RBFOX1: variants seen among roughly 807,000 people sequenced by gnomAD.
RBFOX1 encodes RNA binding protein fox-1 homolog 1.
Under a neutral mutation model 57.7 loss-of-function variants are expected in RBFOX1, and 8 were observed. That is an observed-to-expected ratio of 0.14 (90% CI 0.08 to 0.25). The LOEUF (loss-of-function observed/expected upper bound fraction) is 0.25, where lower values mean the gene tolerates loss of function less well. RBFOX1 is among the 10% of genes least tolerant of loss of function. RBFOX1 has a pLI of 1.00. For missense variants in RBFOX1, 611 were observed against 548.5 expected (o/e 1.11, Z -1.14); for synonymous variants, 326 against 222.4 (o/e 1.47, Z -4.15).
intron 3 of RBFOX1, among the ~76,000 whole-genome samples, chr16:7,005,117 C>G (rs1032319476): frequency 6.6e-6 from 1 of 152,108 alleles, no homozygotes; most frequent in Admixed American, 6.6e-5. Context: ...GCACTCCAGC[C>G]TGGGTGACAA....
intron 3 of RBFOX1, among the ~76,000 whole-genome samples, chr16:5,679,556 A>G (rs570876157): frequency 2.6e-4 from 39 of 151,638 alleles, no homozygotes; most frequent in Admixed American, 2.2e-3. Context: ...CCCTGTGTCC[A>G]TGTGTTCTCA....
chr16:6,794,355 C>T (rs1049255821), intron 3 of RBFOX1, among the ~76,000 whole-genome samples: 1 of 143,578 alleles, frequency 7.0e-6, no homozygotes, highest in Non-Finnish European at 1.5e-5. Flanking sequence ...TCTCAAACTA[C>T]AGGAAATTGC....
chr16:6,323,187 T>G (rs1323442729), intron 2 of RBFOX1, among the ~76,000 whole-genome samples: 1 of 152,152 alleles, frequency 6.6e-6, no homozygotes, highest in African/African-American at 2.4e-5. Flanking sequence ...GCTTCTTTAT[T>G]GTTAGGACAG....
intron 4 of RBFOX1, among the ~76,000 whole-genome samples, chr16:7,281,091 C>G (rs1273304977): frequency 2.6e-5 from 4 of 151,476 alleles, no homozygotes; most frequent in Non-Finnish European, 4.4e-5. Context: ...CAACCTCTGC[C>G]TCCTGGGTTC....
intron 3 of RBFOX1, among the ~76,000 whole-genome samples, chr16:5,811,608 A>G (rs1301070028): frequency 1.3e-5 from 2 of 151,684 alleles, no homozygotes; most frequent in Non-Finnish European, 2.9e-5. Flanking sequence ...GCACCACCAC[A>G]TTGAGCTAAT....
intron 4 of RBFOX1, among the ~76,000 whole-genome samples, chr16:5,933,658 T>G (rs950154159): frequency 2.6e-5 from 4 of 152,222 alleles, no homozygotes; most frequent in Admixed American, 2.6e-4. Context: ...AGGCTTTGAT[T>G]GTTCTCTTTC....
intron 2 of RBFOX1, among the ~76,000 whole-genome samples, chr16:6,494,491 C>A (rs1361193122): frequency 1.3e-5 from 2 of 152,150 alleles, no homozygotes; most frequent in African/African-American, 2.4e-5. Context: ...TTGGGATGGG[C>A]TTATTGACTC....
At chr16:5,674,133 C>T (rs920726692) in intron 3 of RBFOX1, among the ~76,000 whole-genome samples, 1 of 152,164 alleles carries the variant, frequency 6.6e-6, no homozygotes, top group African/African-American at 2.4e-5. Context: ...GATATAAGCC[C>T]TGTCTTCATT....
intron 3 of RBFOX1, among the ~76,000 whole-genome samples, chr16:5,855,219 T>C (rs1345766261): frequency 6.6e-6 from 1 of 152,230 alleles, no homozygotes; most frequent in Non-Finnish European, 1.5e-5. Flanking sequence ...CAGAAGATTT[T>C]TAGTTTGATG....
intron 10 of RBFOX1, among the ~76,000 whole-genome samples, chr16:7,617,249 C>T (rs531783714): frequency 3.5e-4 from 53 of 152,296 alleles, no homozygotes; most frequent in Non-Finnish European, 6.3e-4. Flanking sequence ...CTACTGAGTT[C>T]TGCCATTGCC....
chr16:7,438,663 G>A (rs2098741494), intron 4 of RBFOX1, among the ~76,000 whole-genome samples: 1 of 152,240 alleles, frequency 6.6e-6, no homozygotes, highest in South Asian at 2.1e-4. Flanking sequence ...TTTTAAACCA[G>A]CCCATTAAAA....
intron 2 of RBFOX1, among the ~76,000 whole-genome samples, chr16:5,560,276 C>T (rs2045844228): frequency 6.6e-6 from 1 of 152,098 alleles, no homozygotes; most frequent in Non-Finnish European, 1.5e-5. Flanking sequence ...CTCCAGGAAG[C>T]ACTTAGTCAC....
chr16:5,464,593 C>T (rs936983533), intron 1 of RBFOX1, among the ~76,000 whole-genome samples: 9 of 150,970 alleles, frequency 6.0e-5, no homozygotes, highest in Admixed American at 6.0e-4. Context: ...GATTTTTTTG[C>T]AGCTCTCTCA....
chr16:6,547,908 C>T (rs7186343), intron 2 of RBFOX1, among the ~76,000 whole-genome samples: 69,305 of 151,906 alleles, frequency 0.46, 17,840 homozygotes, highest in Non-Finnish European at 0.58. Context: ...GCTGACTAAA[C>T]CCCAGACTGC....
chr16:5,809,433 G>GA (rs2055343525), intron 3 of RBFOX1, among the ~76,000 whole-genome samples: 1 of 81,460 alleles, frequency 1.2e-5, no homozygotes, highest in Non-Finnish European at 3.0e-5. Flanking sequence ...ATCTGACAAA[G>GA]GGCTAATATC....
chr16:6,202,545 G>A (rs2097221786), intron 1 of RBFOX1, among the ~76,000 whole-genome samples: 2 of 152,166 alleles, frequency 1.3e-5, no homozygotes, highest in South Asian at 4.2e-4. Context: ...TTATGGAAAT[G>A]CTTAACAGTA....
intron 2 of RBFOX1, among the ~76,000 whole-genome samples, chr16:6,623,490 A>G (rs368946723): frequency 6.6e-6 from 1 of 151,658 alleles, no homozygotes; most frequent in Non-Finnish European, 1.5e-5. Context: ...CATGTGCACA[A>G]TGTGCAGGTT....
chr16:5,653,176 C>T (rs1382818435), intron 3 of RBFOX1, among the ~76,000 whole-genome samples: 2 of 151,354 alleles, frequency 1.3e-5, no homozygotes, highest in African/African-American at 2.5e-5. Flanking sequence ...GAACCGTGTG[C>T]TGCACTTTTG....
rs11076974 is a variant in RBFOX1 at position 5,827,924 on chromosome 16, T to C, written c.319-39379T>C. On this transcript the variant is annotated intron_variant, in intron 3 of 19. Coordinates refer to the RBFOX1 transcript ENST00000641259. ...ATCCATCCATCCATCCATCCACCCA[T>C]CCACCCACCCATCCACCCACCCACC... 3.7e-4 allele frequency among the ~76,000 whole-genome samples: 42 copies of C among 113,552 alleles called. No homozygotes were observed. The East Asian group carries it at 8.7e-3, about 24-fold the overall frequency. 74.5% of individuals were successfully genotyped at this position (113,552 alleles called of 152,430 possible). A position where few individuals can be genotyped will look rare whatever the true frequency, so the allele number is the denominator to read the frequency against.
Sources: gnomAD v4.1 joint callset for allele counts (sites outside exome capture counted in the v4.1 genomes callset) on GRCh38, gnomAD v4.1.1 for gene constraint, MANE v1.5 for transcripts, NCBI Gene and HGNC (gene_info 2026-07-23, HGNC 2026-07-21) for gene names.